Variants in HNF1A observed in about 807,000 individuals in gnomAD.
HNF1A encodes the protein hepatocyte nuclear factor 1-alpha.
Under a neutral mutation model 62.2 loss-of-function variants are expected in HNF1A, and 21 were observed. That is an observed-to-expected ratio of 0.34 (90% CI 0.24 to 0.49). HNF1A has a LOEUF of 0.49. Among genes scored for constraint, HNF1A ranks in the 20% least tolerant of loss-of-function variants. The probability of loss-of-function intolerance (pLI) is 0.99; values close to 1 mark genes in which losing one functional copy is unlikely to be tolerated. For synonymous variants in HNF1A, 374 were observed against 366.8 expected (o/e 1.02, Z -0.22); for missense variants, 687 against 832.3 (o/e 0.83, Z 2.15).
intron 3 of HNF1A, 47 bp from the exon 4 acceptor site, chr12:120,994,117 G>T (rs951663562): frequency 6.2e-7 from 1 of 1,600,524 alleles, no homozygotes; most frequent in East Asian, 2.2e-5. Flanking sequence ...CCAGGACAGG[G>T]TTCCTCTGAG....
chr12:121,001,597 G>A lies in HNF1A; in HGVS notation c.*405G>A. 2.3e-6 allele frequency: 1 copy of A among 441,190 alleles called. No individual in the cohort carries two copies. Among genetic ancestry groups the A allele is most frequent in the Non-Finnish European group, 4.3e-6 (1 of 231,472 alleles). 27.3% of individuals were successfully genotyped at this position (441,190 alleles called of 1,614,324 possible). On this transcript the variant is annotated 3_prime_UTR_variant, in exon 10 of 10. Transcript: ENST00000257555. ...CACACTTCTCAGGACACAGGCCTGT[G>A]TAGCTGTGACCTGCTGAGCTCTGAG...
chr12:121,000,992 AC>A, intron 9 of HNF1A, 72 bp from the exon 10 acceptor site: 2 of 1,598,270 alleles, frequency 1.3e-6, no homozygotes, highest in Non-Finnish European at 1.7e-6. Flanking sequence ...CATCCTGAGT[AC>A]CCCTAGGGAC....
chr12:120,996,985 C>G lies in HNF1A; in HGVS notation c.1309+243C>G, dbSNP rs1171474490. 1 of 1,512,622 alleles carries G rather than the reference C, an allele frequency of 6.6e-7. No individual in the cohort carries two copies. The highest frequency in any genetic ancestry group is 2.0e-5 in the Admixed American group (1 of 50,430). The allele number at this position is 1,512,622 out of a possible 1,614,324, so 93.7% of individuals were successfully genotyped here. On this transcript the variant is annotated intron_variant, in intron 6 of 9. Coordinates refer to ENST00000257555, the MANE Select transcript of HNF1A (RefSeq NM_000545.8). This position sits in a 1 kb window ranked among gnomAD's most constrained non-coding sequence, Gnocchi z 4.5. ...GCATAATACATCAATTCTGTGGTAC[C>G]TCAGAAGGTGAAGGGTCTATGGGCA...
intron 1 of HNF1A, 109 bp downstream of exon 1, chr12:120,979,203 C>A: frequency 9.7e-7 from 1 of 1,033,152 alleles, no homozygotes; most frequent in Non-Finnish European, 1.5e-6. Flanking sequence ...CAGCCTTTAG[C>A]CTAGTTGCTG....
At chr12:120,982,293 C>T (rs529057681) in intron 1 of HNF1A, among the ~76,000 whole-genome samples, 122 of 152,280 alleles carry the variant, frequency 8.0e-4, no homozygotes, top group African/African-American at 2.8e-3. Flanking sequence ...TGGTCTCAAA[C>T]TCCTGACCTC....
At chr12:121,000,737 G>C in intron 9 of HNF1A, 1 of 400,836 alleles carries the variant, frequency 2.5e-6, no homozygotes, top group Non-Finnish European at 4.8e-6. Flanking sequence ...CATCTACAAA[G>C]CACCTGCATT....
At position 120,996,508 on chromosome 12, in the gene HNF1A, GC is replaced by G. The variant is rs1565886694; in HGVS notation, c.1108-27del. 1 of 1,612,714 alleles carries G rather than the reference GC, an allele frequency of 6.2e-7. No individual in the cohort carries two copies. On this transcript the variant is annotated intron_variant, in intron 5 of 9. Transcript: ENST00000257555. The surrounding 1 kb of genome is among the most constrained non-coding windows in gnomAD (Gnocchi z 4.5). The stretch of plus-strand genomic sequence containing the variant: ...CTAGGGAGGCCCTGTGGGGACCCCG[GC>G]CCCCCGGACACAGCTTGGCTTCCCC...
In HNF1A at chr12:120,994,227, C is replaced by A. The variant is rs2135841567; in HGVS notation, c.777C>A (p.Val259=). The A allele has an allele frequency of 6.2e-7, 1 of 1,613,554 alleles. No individual in the cohort carries two copies. The highest frequency in any genetic ancestry group is 8.5e-7 in the Non-Finnish European group (1 of 1,179,782). ...SQAQGLGSNL[V]TEVRVYNWFA... ...CACAGGGGCTGGGCTCCAACCTCGT[C>A]ACGGAGGTGCGTGTCTACAACTGGT... is the stretch of plus-strand genomic sequence containing the variant. Residue 259 remains valine, a synonymous_variant, in exon 4 of 10, where the codon GTC becomes GTA. Coordinates refer to ENST00000257555, the MANE Select transcript of HNF1A (RefSeq NM_000545.8).
intron 1 of HNF1A, among the ~76,000 whole-genome samples, chr12:120,986,828 A>G (rs570538358): frequency 1.3e-5 from 2 of 151,940 alleles, no homozygotes; most frequent in South Asian, 2.1e-4. Context: ...ACCTCAAAAG[A>G]CCCGCCCACC....
intron 2 of HNF1A, among the ~76,000 whole-genome samples, chr12:120,990,074 C>T (rs1182004468): frequency 6.6e-6 from 1 of 151,934 alleles, no homozygotes; most frequent in East Asian, 1.9e-4. Flanking sequence ...TGTCACCTTC[C>T]AACCTCCATC....
rs373559368 is a variant in HNF1A at position 120,980,236 on chromosome 12, C to A, written c.326+1142C>A. 9.8e-5 allele frequency among the ~76,000 whole-genome samples: 15 copies of A among 152,294 alleles called. No homozygotes were observed. In the East Asian group the frequency reaches 1.7e-3, roughly 18 times the overall value. ...ACTGAGGCCCCAAACCTACTCTGTT[C>A]GGTGCTCTCAATTGCTATGACCGGG... On this transcript the variant is annotated intron_variant, in intron 1 of 9. Transcript: ENST00000257555.
At chr12:120,990,141 A>T (rs78248628) in intron 2 of HNF1A, among the ~76,000 whole-genome samples, 22 of 151,536 alleles carry the variant, frequency 1.5e-4, no homozygotes, top group African/African-American at 4.4e-4. Flanking sequence ...ATTTTTTTTT[A>T]TTATTTTTTT....
rs774971768 is a variant in HNF1A at position 120,979,140 on chromosome 12, GC to G, written c.326+52del. 20 of 1,525,048 alleles carry G rather than the reference GC, an allele frequency of 1.3e-5. 1 individual carries two copies. In the African/African-American group the frequency reaches 1.8e-4, roughly 14 times the overall value. 94.5% of individuals were successfully genotyped at this position (1,525,048 alleles called of 1,614,324 possible). ...CCCGCTCCCAGGAGAGCCTAGAGGG[GC>G]CCCCCTCAGCTCCTAACGAGCCCCC... is the stretch of plus-strand genomic sequence containing the variant. On this transcript the variant is annotated intron_variant, in intron 1 of 9. Transcript: ENST00000257555.
rs1166992434 is a variant in HNF1A at position 120,979,112 on chromosome 12, G to A, written c.326+18G>A. On this transcript the variant is annotated intron_variant, in intron 1 of 9. Transcript: ENST00000257555. ...CTTCTGCAGTAAGGAGCCCTGCCCC[G>A]TCCCCGCTCCCAGGAGAGCCTAGAG... The A allele has an allele frequency of 1.2e-5, 19 of 1,594,648 alleles. No homozygotes were observed. The highest frequency in any genetic ancestry group is 4.5e-5 in the South Asian group (4 of 88,082).
intron 1 of HNF1A, among the ~76,000 whole-genome samples, chr12:120,980,342 T>A (rs1240831783): frequency 6.6e-6 from 1 of 151,992 alleles, no homozygotes; most frequent in Non-Finnish European, 1.5e-5. Context: ...CCATCTCTTT[T>A]CTGTCCAAGG....
chr12:120,985,572 C>T (rs1002127807), intron 1 of HNF1A, among the ~76,000 whole-genome samples: 5 of 151,770 alleles, frequency 3.3e-5, no homozygotes, highest in East Asian at 2.0e-4. Flanking sequence ...CTTGGGAGTC[C>T]GAGGTGGGAG....
rs2135839773 is a variant in HNF1A, at chr12:120,993,672, G to A, written c.679G>A (p.Glu227Lys). 3 of 1,614,124 alleles carry A rather than the reference G, an allele frequency of 1.9e-6. No homozygotes were observed. The highest frequency in any genetic ancestry group is 2.5e-6 in the Non-Finnish European group (3 of 1,180,020). Residue 227 changes from glutamate (E) to lysine (K), a missense_variant, in exon 3 of 10, where the codon GAG becomes AAG. By Grantham distance (56) the Glu-to-Lys change is moderately conservative. Coordinates refer to ENST00000257555, the MANE Select transcript of HNF1A (RefSeq NM_000545.8). ...TGAGAGGCAGAAGAACCCTAGCAAG[G>A]AGGAGCGAGAGACGCTAGTGGAGGA... ...AYERQKNPSK[E>K]ERETLVEECN...
chr12:120,988,875 G>A lies in HNF1A; in HGVS notation c.369G>A (p.Leu123=). The change falls in exon 2 of 10, where the codon CTG becomes CTA. Residue 123 remains leucine (L), a synonymous_variant. Coordinates refer to ENST00000257555, the MANE Select transcript of HNF1A (RefSeq NM_000545.8). The stretch of plus-strand genomic sequence containing the variant: ...TGGCGAAGATGGTCAAGTCCTACCT[G>A]CAGCAGCACAACATCCCACAGCGGG... ...WRVAKMVKSY[L]QQHNIPQREV... 6.2e-7 allele frequency: 1 copy of A among 1,614,234 alleles called. No individual in the cohort carries two copies. The highest frequency in any genetic ancestry group is 8.5e-7 in the Non-Finnish European group (1 of 1,180,042).
At chr12:120,983,619 C>T (rs1173965933) in intron 1 of HNF1A, among the ~76,000 whole-genome samples, 1 of 151,312 alleles carries the variant, frequency 6.6e-6, no homozygotes, top group Non-Finnish European at 1.5e-5. Flanking sequence ...AGTCTTGGCT[C>T]ATTGCAACCT....
Sources: gnomAD v4.1 joint callset for allele counts (sites outside exome capture counted in the v4.1 genomes callset) on GRCh38, gnomAD v4.1.1 for gene constraint, Gnocchi (gnomAD v3.1) non-coding constraint, MANE v1.5 for transcripts, NCBI Gene and HGNC (gene_info 2026-07-23, HGNC 2026-07-21) for gene names.